MARCHF10: variants seen among roughly 807,000 people sequenced by gnomAD.
MARCHF10 encodes the protein probable E3 ubiquitin-protein ligase MARCHF10.
A neutral mutation model predicts 76.2 loss-of-function variants in MARCHF10; 64 were observed. That is an observed-to-expected ratio of 0.84 (90% CI 0.69 to 1.03). The LOEUF (loss-of-function observed/expected upper bound fraction) is 1.03. MARCHF10 is among the 50% of genes least tolerant of loss of function. The pLI is 0.00. For synonymous variants in MARCHF10, 340 were observed against 357.5 expected, an observed-to-expected ratio of 0.95 and a Z score of 0.55; for missense variants, 875 against 958.0, an observed-to-expected ratio of 0.91 and a Z score of 1.14.
In MARCHF10 at chr17:62,759,994, C is replaced by A. The variant is rs749440301; in HGVS notation, c.223G>T (p.Glu75Ter). The A allele has an allele frequency of 6.2e-7, 1 of 1,613,870 alleles. No homozygotes were observed. The highest frequency in any genetic ancestry group is 2.2e-5 in the East Asian group (1 of 44,870). Residue 75 changes from glutamate to a stop codon, truncating the protein, a stop_gained, in exon 4 of 11, where the codon GAG (glutamate) becomes TAG (stop). Transcript: ENST00000311269. LOFTEE classifies it high-confidence loss of function. Reference sequence around the variant, plus strand: ...GACCTTGGTTCAGTTAGAGCATCCTCCTCACTAGAACTCTACCAAAAATGA... The same window carrying A: ...GACCTTGGTTCAGTTAGAGCATCCTACTCACTAGAACTCTACCAAAAATGA... Reference protein sequence around the residue: ...RSSSKQSSSEEDALTEPRSSI... With the variant: ...RSSSKQSSSE
intron 7 of MARCHF10, among the ~76,000 whole-genome samples, chr17:62,722,947 T>A (rs1163012061): frequency 6.6e-6 from 1 of 151,412 alleles, no homozygotes; most frequent in Non-Finnish European, 1.5e-5. Flanking sequence ...AGAGTGACTA[T>A]TCAGCTTTTT....
intron 1 of MARCHF10, 26 bp from the exon 2 acceptor site, chr17:62,801,778 G>A: frequency 6.5e-7 from 1 of 1,531,392 alleles, no homozygotes. Context: ...AAACAAATGT[G>A]CTGTGTTAGA....
At chr17:62,766,761 T>C (rs917445099) in intron 3 of MARCHF10, among the ~76,000 whole-genome samples, 1 of 152,098 alleles carries the variant, frequency 6.6e-6, no homozygotes, top group Non-Finnish European at 1.5e-5. Flanking sequence ...TGGAAGTCAA[T>C]TGAGATGTAT....
intron 2 of MARCHF10, among the ~76,000 whole-genome samples, chr17:62,789,136 C>T (rs182518573): frequency 7.9e-5 from 10 of 125,800 alleles, no homozygotes; most frequent in Non-Finnish European, 8.4e-5. Context: ...TAAATTCAAA[C>T]AATAAACATA....
At chr17:62,732,495 A>G (rs2091067438) in intron 6 of MARCHF10, among the ~76,000 whole-genome samples, 1 of 152,216 alleles carries the variant, frequency 6.6e-6, no homozygotes, top group Non-Finnish European at 1.5e-5. Flanking sequence ...AAACGCTCGG[A>G]TATTTCATAT....
chr17:62,748,825 T>C (rs1165558691), intron 4 of MARCHF10, among the ~76,000 whole-genome samples: 4 of 152,166 alleles, frequency 2.6e-5, no homozygotes, highest in Non-Finnish European at 2.9e-5. Flanking sequence ...TTTCAGACCT[T>C]TGGGGGCTAG....
chr17:62,762,088 C>G (rs1354550318), intron 3 of MARCHF10, among the ~76,000 whole-genome samples: 1 of 152,162 alleles, frequency 6.6e-6, no homozygotes, highest in Non-Finnish European at 1.5e-5. Context: ...CTTCGCGGAT[C>G]CATTTCCATT....
chr17:62,789,623 T>C (rs1213109592), intron 2 of MARCHF10, among the ~76,000 whole-genome samples: 1 of 152,200 alleles, frequency 6.6e-6, no homozygotes, highest in African/African-American at 2.4e-5. Context: ...TCCCCCAGCA[T>C]CCAGCATTTA....
chr17:62,792,568 TCAC>T (rs1367743645), intron 2 of MARCHF10, among the ~76,000 whole-genome samples: 7 of 119,508 alleles, frequency 5.9e-5, no homozygotes, highest in South Asian at 3.1e-4. Flanking sequence ...ACCACCTCCA[TCAC>T]CACCACAACC....
chr17:62,744,456 G>A lies in MARCHF10; in HGVS notation c.455C>T (p.Ser152Leu), dbSNP rs761434095. 1.8e-5 allele frequency: 29 copies of A among 1,614,056 alleles called. No individual in the cohort carries two copies. In the South Asian group the frequency reaches 2.7e-4, roughly 15 times the overall value. ...GTCCCCAGATGCTCTCGGGCTGTGC[G>A]ATTCTGGGCTGACTGTAAATCTCCT... is the stretch of plus-strand genomic sequence containing the variant. ...NLRRFTVSPE[S>L]HSPRASGDRS... Residue 152 changes from serine (S) to leucine (L), a missense_variant, in exon 5 of 11, where the codon TCG becomes TTG. Coordinates refer to ENST00000311269, the MANE Select transcript of MARCHF10 (RefSeq NM_152598.4).
At position 62,808,290 on chromosome 17, in the gene MARCHF10, T is replaced by TGGGGCGGTGGCGGTG. The variant is rs1315545072; in HGVS notation, c.-232_-231insCACCGCCACCGCCCC. On this transcript the variant is annotated 5_prime_UTR_variant, in exon 1 of 11. Coordinates refer to ENST00000311269, the MANE Select transcript of MARCHF10 (RefSeq NM_152598.4). The stretch of plus-strand genomic sequence containing the variant: ...TTCCGCGGCGCCGGCCGGCCTTGCC[T>TGGGGCGGTGGCGGTG]GGGGCGGAGGCGGTGGGGGCGGCTA... 2.0e-5 allele frequency: 3 copies of TGGGGCGGTGGCGGTG among 152,374 alleles called. No homozygotes were observed. The highest frequency in any genetic ancestry group is 7.2e-5 in the African/African-American group (3 of 41,462). 9.4% of individuals were successfully genotyped at this position (152,374 alleles called of 1,614,324 possible). A position where few individuals can be genotyped will look rare whatever the true frequency, so the allele number is the denominator to read the frequency against.
intron 2 of MARCHF10, among the ~76,000 whole-genome samples, chr17:62,800,657 G>A: frequency 6.6e-6 from 1 of 152,176 alleles, no homozygotes; most frequent in East Asian, 1.9e-4. Context: ...CTCAGGGAAG[G>A]AGCGCTTTTC....
At chr17:62,742,008 TTTTTTTTC>T (rs1381058024) in intron 5 of MARCHF10, among the ~76,000 whole-genome samples, 1 of 127,482 alleles carries the variant, frequency 7.8e-6, no homozygotes, top group Non-Finnish European at 1.6e-5. Flanking sequence ...TGGAAACTGT[TTTTTTTTC>T]TTTTTTTCTT....
intron 3 of MARCHF10, among the ~76,000 whole-genome samples, chr17:62,762,084 G>A (rs552200581): frequency 2.0e-5 from 3 of 152,270 alleles, no homozygotes; most frequent in South Asian, 2.1e-4. Context: ...TCATCTTCGC[G>A]GATCCATTTC....
chr17:62,751,438 C>T (rs2091895360), intron 4 of MARCHF10, among the ~76,000 whole-genome samples: 1 of 152,066 alleles, frequency 6.6e-6, no homozygotes, highest in Non-Finnish European at 1.5e-5. Context: ...TCTGTAGTTG[C>T]TCAAGAGCCC....
At chr17:62,779,111 G>C (rs2092607868) in intron 3 of MARCHF10, among the ~76,000 whole-genome samples, 1 of 152,182 alleles carries the variant, frequency 6.6e-6, no homozygotes, top group African/African-American at 2.4e-5. Context: ...TTCTTACCCA[G>C]TGCACCTCGA....
intron 6 of MARCHF10, among the ~76,000 whole-genome samples, chr17:62,732,992 C>CAAAAAAAA (rs398041783): frequency 6.0e-5 from 4 of 66,534 alleles, no homozygotes; most frequent in South Asian, 6.5e-4. Context: ...GACTCAGTCT[C>CAAAAAAAA]AAAAAAAAAA....
intron 4 of MARCHF10, among the ~76,000 whole-genome samples, chr17:62,758,197 C>T (rs1296293534): frequency 2.0e-5 from 3 of 152,142 alleles, no homozygotes; most frequent in South Asian, 4.1e-4. Flanking sequence ...ATCAGAAGTT[C>T]GAGACCAGCC....
At chr17:62,704,863 G>A in intron 10 of MARCHF10, 1 of 894,502 alleles carries the variant, frequency 1.1e-6, no homozygotes, top group Non-Finnish European at 1.3e-6. Flanking sequence ...ATTCACTGCG[G>A]TGTTGATTCT....
Sources: gnomAD v4.1 joint callset for allele counts (sites outside exome capture counted in the v4.1 genomes callset) on GRCh38, gnomAD v4.1.1 for gene constraint, MANE v1.5 for transcripts, NCBI Gene and HGNC (gene_info 2026-07-23, HGNC 2026-07-21) for gene names.